The following CAST variants were observed in gnomAD, a reference collection of about 807,000 sequenced individuals.
The protein encoded by CAST is calpastatin.
Under a neutral mutation model 119.6 loss-of-function variants are expected in CAST, and 76 were observed. The observed-to-expected ratio is 0.64, with a 90% confidence interval of 0.53 to 0.77. The LOEUF is 0.77. Among genes scored for constraint, CAST ranks in the 30% least tolerant of loss-of-function variants. The pLI is 0.00. For synonymous variants in CAST, 319 were observed against 331.6 expected (o/e 0.96, Z 0.41); for missense variants, 953 against 946.5 (o/e 1.01, Z -0.09).
the CAST span, among the ~76,000 whole-genome samples, chr5:96,374,640 T>C: frequency 1.3e-5 from 2 of 152,172 alleles, no homozygotes; most frequent in Non-Finnish European, 2.9e-5. Flanking sequence ...TTTCCATCTT[T>C]TGAGTCCTGT....
the CAST span, among the ~76,000 whole-genome samples, chr5:96,383,978 G>A: frequency 1.4e-4 from 22 of 152,084 alleles, no homozygotes; most frequent in African/African-American, 5.1e-4. Flanking sequence ...TGAGTAGGAG[G>A]CCGACCTGAG....
At chr5:96,322,620 C>T in the CAST span, among the ~76,000 whole-genome samples, 2 of 152,102 alleles carry the variant, frequency 1.3e-5, no homozygotes, top group Non-Finnish European at 2.9e-5. Flanking sequence ...CAGGCCTTCC[C>T]ATCCACCCAA....
chr5:96,243,593 T>G, the CAST span, among the ~76,000 whole-genome samples: 1 of 152,314 alleles, frequency 6.6e-6, no homozygotes, highest in Non-Finnish European at 1.5e-5. Flanking sequence ...ATGCAGTTTC[T>G]GGAGAAGAGG....
At chr5:96,465,118 G>C in the CAST span, among the ~76,000 whole-genome samples, 1 of 151,550 alleles carries the variant, frequency 6.6e-6, no homozygotes, top group Non-Finnish European at 1.5e-5. Context: ...TATAAGTCTG[G>C]CATATCTTTT....
At chr5:96,518,949 G>A in the CAST span, among the ~76,000 whole-genome samples, 3 of 151,602 alleles carry the variant, frequency 2.0e-5, no homozygotes, top group East Asian at 1.9e-4. Flanking sequence ...GCTTAAACCC[G>A]GGAGGCAGAG....
chr5:96,149,128 C>T, the CAST span, among the ~76,000 whole-genome samples: 2 of 152,230 alleles, frequency 1.3e-5, no homozygotes, highest in Admixed American at 6.5e-5. Flanking sequence ...GGAGTCTTCT[C>T]TCTGTCATCA....
At chr5:96,193,133 A>G in the CAST span, among the ~76,000 whole-genome samples, 1 of 152,338 alleles carries the variant, frequency 6.6e-6, no homozygotes, top group East Asian at 1.9e-4. Context: ...GTTTAAGCAT[A>G]TGTCAAACTA....
chr5:96,397,457 A>G, the CAST span: 1 of 1,613,160 alleles, frequency 6.2e-7, no homozygotes. Context: ...AGCCAAGAGC[A>G]CAGTGCTAGT....
chr5:96,327,952 T>C, the CAST span, among the ~76,000 whole-genome samples: 1 of 152,204 alleles, frequency 6.6e-6, no homozygotes, highest in Non-Finnish European at 1.5e-5. Context: ...ATTATGAAGA[T>C]GATTATTCTG....
the CAST span, among the ~76,000 whole-genome samples, chr5:96,233,617 A>G: frequency 6.6e-6 from 1 of 152,066 alleles, no homozygotes; most frequent in Non-Finnish European, 1.5e-5. Flanking sequence ...CAGATACAAT[A>G]TTTTCTCTCC....
the CAST span, chr5:96,429,062 T>C: frequency 1.7e-6 from 1 of 586,290 alleles, no homozygotes; most frequent in South Asian, 2.2e-5. Flanking sequence ...ATTATAATTT[T>C]ATGGAAAGAA....
chr5:96,355,740 T>C, the CAST span, among the ~76,000 whole-genome samples: 1 of 152,078 alleles, frequency 6.6e-6, no homozygotes, highest in Non-Finnish European at 1.5e-5. Context: ...TCTTGCTGTG[T>C]CACCAGTCTT....
the CAST span, among the ~76,000 whole-genome samples, chr5:96,068,593 A>ATGTGTGTGTGTGTG: frequency 9.3e-4 from 133 of 142,262 alleles, 1 homozygote; most frequent in African/African-American, 3.1e-3. Context: ...CAATAGGATT[A>ATGTGTGTGTGTGTG]TGTGTGTGTG....
the CAST span, among the ~76,000 whole-genome samples, chr5:96,295,641 T>G: frequency 6.6e-6 from 1 of 152,336 alleles, no homozygotes; most frequent in South Asian, 2.1e-4. Flanking sequence ...CTTCAGCTAA[T>G]GATTACTTCT....
the CAST span, among the ~76,000 whole-genome samples, chr5:96,133,314 C>T: frequency 6.6e-6 from 1 of 151,294 alleles, no homozygotes; most frequent in Non-Finnish European, 1.5e-5. Flanking sequence ...AACACACACA[C>T]ACATGAGTTT....
the CAST span, among the ~76,000 whole-genome samples, chr5:96,499,765 C>T: frequency 6.6e-6 from 1 of 152,226 alleles, no homozygotes; most frequent in Non-Finnish European, 1.5e-5. Flanking sequence ...CTGTAACCTT[C>T]TAAATCCTTT....
At chr5:96,472,425 G>A in the CAST span, among the ~76,000 whole-genome samples, 5 of 152,154 alleles carry the variant, frequency 3.3e-5, no homozygotes, top group African/African-American at 9.7e-5. Flanking sequence ...TCTTGTGTGT[G>A]TTGCTATATT....
At chr5:96,393,118 G>A in the CAST span, 1 of 1,614,074 alleles carries the variant, frequency 6.2e-7, no homozygotes, top group African/African-American at 1.3e-5. Flanking sequence ...TGTCTTCAGA[G>A]TCTTTAAGCT....
intron 1 of CAST, among the ~76,000 whole-genome samples, chr5:96,534,805 A>AAAG (rs1561409071): frequency 1.6e-4 from 17 of 106,540 alleles, no homozygotes; most frequent in Admixed American, 4.4e-4. Flanking sequence ...AAGAAAGAAG[A>AAAG]AAGAAAGAAA....
Sources: gnomAD v4.1 joint callset for allele counts (sites outside exome capture counted in the v4.1 genomes callset) on GRCh38, gnomAD v4.1.1 for gene constraint, MANE v1.5 for transcripts, NCBI Gene and HGNC (gene_info 2026-07-23, HGNC 2026-07-21) for gene names.